CEP112: variants seen among roughly 807,000 people sequenced by gnomAD.
CEP112 encodes centrosomal protein of 112 kDa.
Under a neutral mutation model 153.0 loss-of-function variants are expected in CEP112, and 127 were observed. The observed-to-expected ratio is 0.83, with a 90% CI of 0.72 to 0.96. The LOEUF is 0.96. CEP112 is among the 40% of genes least tolerant of loss of function. The pLI is 0.00. For missense variants in CEP112, 1,089 were observed against 1,101.2 expected (o/e 0.99, Z 0.16); for synonymous variants, 358 against 374.4 (o/e 0.96, Z 0.51).
At chr17:66,129,213 C>T (rs9904627) in intron 6 of CEP112, among the ~76,000 whole-genome samples, 65,254 of 152,036 alleles carry the variant, frequency 0.43, 15,345 homozygotes, top group East Asian at 0.89. Context: ...TACATAAATT[C>T]CAAACACCCA....
chr17:65,994,325 C>T (rs1017285532), intron 17 of CEP112, among the ~76,000 whole-genome samples: 5 of 152,096 alleles, frequency 3.3e-5, no homozygotes, highest in Non-Finnish European at 7.4e-5. Context: ...CATCATTTGG[C>T]TTCTTTTTGT....
rs116376052 is a variant in CEP112 at position 65,774,978 on chromosome 17, A to T, written c.2395-24254T>A. The stretch of plus-strand genomic sequence containing the variant: ...AGACATGCAGGAAAGGAGTAGTAGC[A>T]GCGGAGACACAAAAAGCTGCTTTAT... On this transcript the variant is annotated intron_variant, in intron 21 of 26. Transcript: ENST00000535342. Among the ~76,000 whole-genome samples the T allele has an allele frequency of 8.9e-3, 1,347 of 152,200 alleles. 25 individuals carry two copies. The highest frequency in any genetic ancestry group is 0.031 in the African/African-American group (1,285 of 41,510).
At chr17:65,793,160 G>T (rs972662161) in intron 21 of CEP112, among the ~76,000 whole-genome samples, 1 of 152,160 alleles carries the variant, frequency 6.6e-6, no homozygotes, top group Admixed American at 6.6e-5. Flanking sequence ...GGAGGGTGAA[G>T]ATAGCTCATT....
intron 21 of CEP112, among the ~76,000 whole-genome samples, chr17:65,777,002 T>C (rs9901874): frequency 0.011 from 1,658 of 152,310 alleles, 32 homozygotes; most frequent in African/African-American, 0.038. Flanking sequence ...CCTTCTTCCA[T>C]AAGAATAAAA....
chr17:66,119,834 T>C (rs1026981232), intron 6 of CEP112, among the ~76,000 whole-genome samples: 3 of 152,188 alleles, frequency 2.0e-5, no homozygotes, highest in African/African-American at 7.2e-5. Flanking sequence ...CCAAGTAATA[T>C]TTTGCAGCAA....
chr17:65,784,120 T>C (rs181346320), intron 21 of CEP112, among the ~76,000 whole-genome samples: 44 of 152,334 alleles, frequency 2.9e-4, no homozygotes, highest in African/African-American at 1.1e-3. Flanking sequence ...AGGTTCTTTA[T>C]GCGTGAGAAA....
At chr17:66,181,481 G>C (rs1035695934) in intron 2 of CEP112, among the ~76,000 whole-genome samples, 1 of 152,060 alleles carries the variant, frequency 6.6e-6, no homozygotes. Flanking sequence ...AAGTAGCTGG[G>C]ACTGCAGGTG....
chr17:65,774,670 G>A (rs537908824), intron 21 of CEP112, among the ~76,000 whole-genome samples: 19 of 152,276 alleles, frequency 1.2e-4, no homozygotes, highest in Admixed American at 9.8e-4. Context: ...ATCCAGGATC[G>A]GAGGCCCTAC....
chr17:66,092,896 C>T (rs981310646), intron 8 of CEP112, among the ~76,000 whole-genome samples: 4 of 152,080 alleles, frequency 2.6e-5, no homozygotes, highest in African/African-American at 9.7e-5. Context: ...CATGAAAAAC[C>T]CATTGATAAC....
intron 4 of CEP112, among the ~76,000 whole-genome samples, chr17:66,137,870 T>C (rs781501850): frequency 2.0e-5 from 3 of 152,100 alleles, no homozygotes; most frequent in Non-Finnish European, 4.4e-5. Flanking sequence ...TGAAAACACA[T>C]GAAAATATGA....
At chr17:65,970,133 A>G (rs924021834) in intron 17 of CEP112, among the ~76,000 whole-genome samples, 19 of 152,208 alleles carry the variant, frequency 1.2e-4, no homozygotes, top group African/African-American at 4.6e-4. Context: ...TGTATATTGC[A>G]TTTATGTATT....
At chr17:65,684,079 T>C (rs60005103) in intron 24 of CEP112, among the ~76,000 whole-genome samples, 2,555 of 152,036 alleles carry the variant, frequency 0.017, 78 homozygotes, top group African/African-American at 0.059. Context: ...CCAACTTCCA[T>C]TCCACACCTG....
chr17:65,983,492 G>A (rs2063300202), intron 17 of CEP112, among the ~76,000 whole-genome samples: 1 of 152,172 alleles, frequency 6.6e-6, no homozygotes, highest in African/African-American at 2.4e-5. Context: ...GCTTATGGGA[G>A]TGACTCCCTC....
At chr17:66,049,969 C>A (rs1292202273) in intron 12 of CEP112, among the ~76,000 whole-genome samples, 1 of 151,592 alleles carries the variant, frequency 6.6e-6, no homozygotes, top group East Asian at 2.0e-4. Flanking sequence ...AGGGATAGAT[C>A]TTTTCAAAGA....
At chr17:65,697,283 T>C (rs965725053) in intron 23 of CEP112, among the ~76,000 whole-genome samples, 1 of 152,160 alleles carries the variant, frequency 6.6e-6, no homozygotes, top group Non-Finnish European at 1.5e-5. Context: ...ATTATAAAGG[T>C]GAAATAAGGG....
At chr17:65,936,611 A>T (rs1004889542) in intron 18 of CEP112, among the ~76,000 whole-genome samples, 1 of 152,208 alleles carries the variant, frequency 6.6e-6, no homozygotes, top group Non-Finnish European at 1.5e-5. Context: ...TATCCCTGGG[A>T]TGCAAAAGTG....
chr17:65,758,595 T>C (rs2052423380), intron 21 of CEP112, among the ~76,000 whole-genome samples: 1 of 152,120 alleles, frequency 6.6e-6, no homozygotes, highest in Non-Finnish European at 1.5e-5. Flanking sequence ...GAGAAGAAAA[T>C]TAGGAGATTT....
At chr17:66,112,805 G>C (rs1243788570) in intron 6 of CEP112, among the ~76,000 whole-genome samples, 1 of 152,192 alleles carries the variant, frequency 6.6e-6, no homozygotes, top group Non-Finnish European at 1.5e-5. Context: ...AATCAGCAGA[G>C]CATGGTGGTG....
intron 24 of CEP112, among the ~76,000 whole-genome samples, chr17:65,687,160 ATTTTT>A (rs35675811): frequency 1.2e-4 from 11 of 90,154 alleles, no homozygotes; most frequent in East Asian, 6.9e-4. Context: ...GTTATTATTA[ATTTTT>A]TTTTTTTTTT....
Sources: gnomAD v4.1 joint callset for allele counts (sites outside exome capture counted in the v4.1 genomes callset) on GRCh38, gnomAD v4.1.1 for gene constraint, MANE v1.5 for transcripts, NCBI Gene and HGNC (gene_info 2026-07-23, HGNC 2026-07-21) for gene names.